The following USP29 variants were observed in gnomAD, a reference collection of about 807,000 sequenced individuals.
USP29 encodes ubiquitin carboxyl-terminal hydrolase 29.
For synonymous variants in USP29, 386 were observed against 387.4 expected, an observed-to-expected ratio of 1.00 and a Z score of 0.04; for missense variants, 1,102 against 1,069.0, an observed-to-expected ratio of 1.03 and a Z score of -0.43.
In USP29 at chr19:57,129,530, G is replaced by C; in HGVS notation, c.855G>C (p.Gln285His). 6.2e-7 allele frequency: 1 copy of C among 1,614,198 alleles called. No individual in the cohort carries two copies. The highest frequency in any genetic ancestry group is 8.5e-7 in the Non-Finnish European group (1 of 1,180,038). Residue 285 changes from glutamine to histidine, a missense_variant, in exon 4 of 4, where the codon CAG becomes CAC. Gln to His is a conservative substitution (Grantham distance 24). Coordinates refer to ENST00000254181, the MANE Select transcript of USP29 (RefSeq NM_020903.3). ...ACTCTCATTCACAGCAACTGCAGCA[G>C]GGGTTCCCCAATTTGGGAAACACCT... ...PLDSHSQQLQ[Q>H]GFPNLGNTCY...
At chr19:57,128,629 G>T in intron 3 of USP29, 31 bp from the exon 4 acceptor site, 5 of 1,512,228 alleles carry the variant, frequency 3.3e-6, no homozygotes, top group Non-Finnish European at 4.4e-6. Context: ...TATATTCTTG[G>T]TTAAAATGCA....
rs758853885 is a variant in USP29 at position 57,130,505 on chromosome 19, T to C, written c.1830T>C (p.Cys610=). 3.1e-6 allele frequency: 5 copies of C among 1,614,126 alleles called. No homozygotes were observed. Among genetic ancestry groups the C allele is most frequent in the Non-Finnish European group, 3.4e-6 (4 of 1,180,022 alleles). Residue 610 remains cysteine, a synonymous_variant, in exon 4 of 4, where the codon TGT becomes TGC. Transcript: ENST00000254181. The stretch of plus-strand genomic sequence containing the variant: ...ACCTACAAAGATTCCAGAGAGACTG[T>C]GGAGATGCAAGCCAAGAGCAGCATC... ...NADLQRFQRD[C]GDASQEQHQR...
At chr19:57,119,942 G>A (rs2086784843), upstream of USP29, 2 of 152,450 alleles carry the variant, frequency 1.3e-5, no homozygotes, top group South Asian at 4.1e-4. Flanking sequence ...AGGTCGGGAG[G>A]CCTGCGCCCG....
chr19:57,124,305 G>A (rs1187440882), intron 3 of USP29, among the ~76,000 whole-genome samples, 166 bp downstream of exon 3: 4 of 151,016 alleles, frequency 2.6e-5, no homozygotes, highest in Non-Finnish European at 5.9e-5. Flanking sequence ...TATTTTTTCT[G>A]AAACCTGTTT....
At chr19:57,125,855 T>C (rs1034121091) in intron 3 of USP29, among the ~76,000 whole-genome samples, 3 of 152,084 alleles carry the variant, frequency 2.0e-5, no homozygotes, top group African/African-American at 7.2e-5. Flanking sequence ...GTTTCTTCTG[T>C]GTCATTGGTC....
intron 3 of USP29, 112 bp from the exon 4 acceptor site, chr19:57,128,548 A>T (rs752904374): frequency 1.4e-5 from 16 of 1,115,820 alleles, no homozygotes; most frequent in Non-Finnish European, 2.0e-5. Flanking sequence ...TATTTTACTT[A>T]GAGCATAAGA....
intron 3 of USP29, among the ~76,000 whole-genome samples, chr19:57,127,080 C>A (rs555592086): frequency 6.6e-6 from 1 of 152,210 alleles, no homozygotes; most frequent in Non-Finnish European, 1.5e-5. Context: ...GTATCCCCAG[C>A]GGAGGCTGCA....
At chr19:57,119,103 C>CG (rs968883223), upstream of USP29, 4 of 152,102 alleles carry the variant, frequency 2.6e-5, no homozygotes, top group African/African-American at 9.7e-5. Context: ...CCTCGCGCGC[C>CG]GGGACAGGGC....
chr19:57,127,518 C>T (rs1485320939), intron 3 of USP29, among the ~76,000 whole-genome samples: 2 of 152,328 alleles, frequency 1.3e-5, no homozygotes, highest in African/African-American at 4.8e-5. Context: ...CTGGCCACAG[C>T]TGCTTTGCCA....
At chr19:57,120,788 CAA>C (rs71293954) in intron 1 of USP29, among the ~76,000 whole-genome samples, 645 of 31,050 alleles carry the variant, frequency 0.021, 1 homozygote, top group African/African-American at 0.066. Flanking sequence ...GACTCCGTCT[CAA>C]AAAAAAAAAA....
Position 57,128,644 on chromosome 19 carries a change from T to G in USP29, c.-16-16T>G. 2.0e-6 allele frequency: 3 copies of G among 1,525,218 alleles called. No individual in the cohort carries two copies. Among genetic ancestry groups the G allele is most frequent in the Non-Finnish European group, 2.6e-6 (3 of 1,141,956 alleles). 94.5% of individuals were successfully genotyped at this position (1,525,218 alleles called of 1,614,324 possible). On this transcript the variant is annotated splice_polypyrimidine_tract_variant and intron_variant, in intron 3 of 3. Transcript: ENST00000254181. ...TATATTCTTGGTTAAAATGCATGTGTGCTTTTCTTCTTTAGGTTACATAAA... is the reference window on the plus strand; with the variant it reads ...TATATTCTTGGTTAAAATGCATGTGGGCTTTTCTTCTTTAGGTTACATAAA...
chr19:57,122,021 G>C (rs1216789937), intron 1 of USP29, among the ~76,000 whole-genome samples: 1 of 151,708 alleles, frequency 6.6e-6, no homozygotes, highest in Non-Finnish European at 1.5e-5. Context: ...AGACAGATGT[G>C]GCAAAATATA....
rs776080625 is a variant in USP29 at position 57,130,566 on chromosome 19, G to T, written c.1891G>T (p.Glu631Ter). 6.2e-7 allele frequency: 1 copy of T among 1,614,166 alleles called. No homozygotes were observed. ...DLENGSALES[E>*]LVHFRDRAIG... ...GGAAAATGGCTCTGCACTAGAGTCA[G>T]AATTGGTCCACTTTAGAGATAGGGC... The change falls in exon 4 of 4, where the codon GAA becomes TAA. Residue 631 changes from glutamate (E) to a stop codon, truncating the protein, a stop_gained. Coordinates refer to ENST00000254181, the MANE Select transcript of USP29 (RefSeq NM_020903.3). LOFTEE classifies it low-confidence loss of function (END_TRUNC).
chr19:57,121,251 ATATATATGTTATATATATACT>A (rs1455770525), intron 1 of USP29, among the ~76,000 whole-genome samples: 1 of 148,472 alleles, frequency 6.7e-6, no homozygotes, highest in Non-Finnish European at 1.5e-5. Context: ...AAAATGTAGG[ATATATATGTTATATATATACT>A]TATATATGTT....
In USP29 at chr19:57,130,097, T is replaced by C. The variant is rs376411164; in HGVS notation, c.1422T>C (p.Asp474=). The C allele has an allele frequency of 1.5e-5, 25 of 1,613,502 alleles. No individual in the cohort carries two copies. In the African/African-American group the frequency reaches 2.8e-4, roughly 18 times the overall value. ...CTTTGTCCATTCAGAATTCTTTAGA[T>C]CTTTTCTTTAAAGAAGAAGAGCTTG... is the stretch of plus-strand genomic sequence containing the variant. ...PLPLSIQNSL[D]LFFKEEELEY... Residue 474 remains aspartate (D), a synonymous_variant, in exon 4 of 4, where the codon GAT becomes GAC. Coordinates refer to ENST00000254181, the MANE Select transcript of USP29 (RefSeq NM_020903.3).
Position 57,131,245 on chromosome 19 carries a change from A to G in USP29, c.2570A>G (p.Asn857Ser), listed in dbSNP as rs763460264. Residue 857 changes from asparagine (N) to serine (S), a missense_variant, in exon 4 of 4, where the codon AAC becomes AGC. Physicochemically the swap from Asn to Ser is conservative, Grantham distance 46. Transcript: ENST00000254181. The stretch of plus-strand genomic sequence containing the variant: ...CAGAAGCAGGCCTGGTTCACATACA[A>G]CGATCTATGTGTATCAGAAATCTCA... ...DFQKQAWFTY[N>S]DLCVSEISET... The G allele has an allele frequency of 1.2e-6, 2 of 1,614,168 alleles. No individual in the cohort carries two copies. The highest frequency in any genetic ancestry group is 4.5e-5 in the East Asian group (2 of 44,880).
intron 3 of USP29, among the ~76,000 whole-genome samples, chr19:57,126,137 A>T (rs1237770935): frequency 1.3e-5 from 2 of 152,264 alleles, no homozygotes; most frequent in Non-Finnish European, 2.9e-5. Context: ...TATTAATCTG[A>T]TGGGCTTCCC....
rs527306347 is a variant in USP29, at chr19:57,129,521, A to G, written c.846A>G (p.Gln282=). ...TGCCTCTTGACTCTCATTCACAGCA[A>G]CTGCAGCAGGGGTTCCCCAATTTGG... The part of the protein sequence containing the change: ...AQVPLDSHSQ[Q]LQQGFPNLGN... Residue 282 remains glutamine, a synonymous_variant, in exon 4 of 4, where the codon CAA becomes CAG. Coordinates refer to ENST00000254181, the MANE Select transcript of USP29 (RefSeq NM_020903.3). 2 of 1,614,192 alleles carry G rather than the reference A, an allele frequency of 1.2e-6. No homozygotes were observed. Among genetic ancestry groups the G allele is most frequent in the Middle Eastern group, 1.6e-4 (1 of 6,062 alleles).
chr19:57,120,872 A>AGGCG (rs1438748477), intron 1 of USP29, among the ~76,000 whole-genome samples: 3 of 150,922 alleles, frequency 2.0e-5, no homozygotes, highest in Non-Finnish European at 4.4e-5. Context: ...TGGGAGGCCA[A>AGGCG]GGCGGGCGGA....
Sources: allele counts gnomAD v4.1 joint callset (sites outside exome capture counted in the v4.1 genomes callset), GRCh38; gene constraint gnomAD v4.1.1; transcripts MANE v1.5; gene names NCBI Gene and HGNC (gene_info 2026-07-23, HGNC 2026-07-21).